The following CCDC172 variants were observed in gnomAD, a reference collection of about 807,000 sequenced individuals.
The protein encoded by CCDC172 is coiled-coil domain containing 172.
In CCDC172, 30 loss-of-function variants were observed where a neutral mutation model predicts 38.0. That is an observed-to-expected ratio of 0.79 (90% CI 0.59 to 1.07). The LOEUF is 1.07. Ranked by LOEUF, CCDC172 falls within the 50% of genes least tolerant of loss-of-function variation. CCDC172 has a pLI of 0.00. For missense variants in CCDC172, 297 were observed against 290.1 expected (o/e 1.02, Z -0.17); for synonymous variants, 78 against 88.3 (o/e 0.88, Z 0.66).
chr10:116,325,444 C>T (rs1844579889), intron 3 of CCDC172, 56 bp downstream of exon 3: 1 of 1,353,040 alleles, frequency 7.4e-7, no homozygotes, highest in Non-Finnish European at 1.0e-6. Context: ...CTTAACTTGA[C>T]TTTTGGGGGA....
intron 3 of CCDC172, among the ~76,000 whole-genome samples, chr10:116,326,195 G>A (rs1844590748): frequency 1.3e-5 from 2 of 152,134 alleles, no homozygotes; most frequent in East Asian, 1.9e-4. Flanking sequence ...CAGTTGTTCA[G>A]TTTAATGCCA....
At chr10:116,340,393 A>T (rs955042404) in intron 3 of CCDC172, among the ~76,000 whole-genome samples, 1 of 151,906 alleles carries the variant, frequency 6.6e-6, no homozygotes, top group African/African-American at 2.4e-5. Context: ...ATCTAAAAAC[A>T]AACAGTCTTA....
intron 1 of CCDC172, 74 bp from the exon 2 acceptor site, chr10:116,324,873 G>A: frequency 1.4e-6 from 1 of 691,644 alleles, no homozygotes; most frequent in Non-Finnish European, 2.5e-6. Context: ...TGCTGGGCTG[G>A]CGACAGAGGG....
At chr10:116,345,490 A>G (rs1413753442) in intron 5 of CCDC172, among the ~76,000 whole-genome samples, 1 of 152,224 alleles carries the variant, frequency 6.6e-6, no homozygotes, top group Non-Finnish European at 1.5e-5. Flanking sequence ...ACAGATTTAA[A>G]ATAAATTGAA....
intron 7 of CCDC172, among the ~76,000 whole-genome samples, chr10:116,377,677 A>C (rs773240992): frequency 6.6e-5 from 10 of 152,136 alleles, no homozygotes; most frequent in Non-Finnish European, 1.2e-4. Context: ...TATATTATAA[A>C]GTTATAGTTT....
chr10:116,332,797 A>G (rs528027107), intron 3 of CCDC172, among the ~76,000 whole-genome samples: 136 of 152,034 alleles, frequency 8.9e-4, no homozygotes, highest in African/African-American at 3.2e-3. Flanking sequence ...ATTATTTCAT[A>G]GAGTTTGTTT....
chr10:116,334,803 A>T (rs1348626332), intron 3 of CCDC172, among the ~76,000 whole-genome samples: 2 of 152,078 alleles, frequency 1.3e-5, no homozygotes, highest in African/African-American at 4.8e-5. Flanking sequence ...ATTGTCCTCC[A>T]GAAAAGTTGT....
Position 116,342,082 on chromosome 10 carries a change from A to G in CCDC172, c.329A>G (p.Lys110Arg). Residue 110 changes from lysine to arginine, a missense_variant, in exon 5 of 9, where the codon AAG becomes AGG. Physicochemically the swap from Lys to Arg is conservative, Grantham distance 26. Coordinates refer to ENST00000333254, the MANE Select transcript of CCDC172 (RefSeq NM_198515.3). ...ATAGAGGAGGAAGACAAATTTATTA[A>G]GGAAATTACAGACTTTAATAATGAT... ...QMIEEEDKFIKEITDFNNDYE... is the reference protein window; with the variant it reads ...QMIEEEDKFIREITDFNNDYE... The G allele has an allele frequency of 6.5e-7, 1 of 1,537,656 alleles. No individual in the cohort carries two copies. Among genetic ancestry groups the G allele is most frequent in the East Asian group, 2.4e-5 (1 of 40,890 alleles).
Position 116,363,754 on chromosome 10 carries a change from T to C in CCDC172, c.653+5816T>C, listed in dbSNP as rs565193480. On this transcript the variant is annotated intron_variant, in intron 7 of 8. Coordinates refer to ENST00000333254, the MANE Select transcript of CCDC172 (RefSeq NM_198515.3). ...GAGTTCGAGACTGGCCTGGCCAACA[T>C]GGTGAAACCCCGCCTCTACTACAAA... is the stretch of plus-strand genomic sequence containing the variant. Among the ~76,000 whole-genome samples, 356 of 151,876 alleles carry C rather than the reference T, an allele frequency of 2.3e-3. 1 individual carries two copies. The highest frequency in any genetic ancestry group is 3.4e-3 in the Middle Eastern group (1 of 294).
intron 3 of CCDC172, among the ~76,000 whole-genome samples, chr10:116,334,540 A>AAT (rs1018704413): frequency 6.6e-6 from 1 of 151,958 alleles, no homozygotes; most frequent in African/African-American, 2.4e-5. Context: ...CATCTGAGTA[A>AAT]ATATATATAT....
intron 3 of CCDC172, among the ~76,000 whole-genome samples, chr10:116,331,262 A>G (rs189045068): frequency 1.1e-3 from 163 of 152,334 alleles, no homozygotes; most frequent in African/African-American, 3.7e-3. Flanking sequence ...ACAATCAAAC[A>G]AAAAGAAATT....
chr10:116,358,211 A>G (rs1565720451), intron 7 of CCDC172, among the ~76,000 whole-genome samples: 1 of 152,114 alleles, frequency 6.6e-6, no homozygotes, highest in Non-Finnish European at 1.5e-5. Flanking sequence ...ATCCCAAGAG[A>G]TAAGACAACT....
chr10:116,327,378 C>A (rs940331191), intron 3 of CCDC172, among the ~76,000 whole-genome samples: 1 of 151,982 alleles, frequency 6.6e-6, no homozygotes, highest in Non-Finnish European at 1.5e-5. Flanking sequence ...GTTGCTTATA[C>A]AAGTTTTTGT....
At chr10:116,342,399 A>G (rs17094564) in intron 5 of CCDC172, 198 bp downstream of exon 5, 32,541 of 415,124 alleles carry the variant, frequency 0.078, 1,997 homozygotes, top group East Asian at 0.26. Flanking sequence ...TGTGACATGA[A>G]CATTTGGTCA....
At chr10:116,374,470 T>C (rs995608570) in intron 7 of CCDC172, among the ~76,000 whole-genome samples, 68 of 150,324 alleles carry the variant, frequency 4.5e-4, no homozygotes, top group African/African-American at 1.6e-3. Context: ...GCCTAATTTA[T>C]AAATTAAACT....
At chr10:116,331,450 G>T (rs1045167542) in intron 3 of CCDC172, among the ~76,000 whole-genome samples, 5 of 143,150 alleles carry the variant, frequency 3.5e-5, no homozygotes, top group African/African-American at 5.1e-5. Flanking sequence ...TTTATTATTT[G>T]TCTCCCTCCA....
At chr10:116,372,581 T>C (rs1037768685) in intron 7 of CCDC172, among the ~76,000 whole-genome samples, 7 of 152,144 alleles carry the variant, frequency 4.6e-5, no homozygotes, top group African/African-American at 1.7e-4. Flanking sequence ...AGATTTACCA[T>C]AGTGCATTTG....
At chr10:116,325,814 A>G (rs1844584554) in intron 3 of CCDC172, among the ~76,000 whole-genome samples, 1 of 152,198 alleles carries the variant, frequency 6.6e-6, no homozygotes, top group Non-Finnish European at 1.5e-5. Context: ...TCTCTACCAC[A>G]TTTTAGACAT....
At chr10:116,377,830 A>G (rs1845266698) in intron 7 of CCDC172, among the ~76,000 whole-genome samples, 1 of 152,138 alleles carries the variant, frequency 6.6e-6, no homozygotes, top group Non-Finnish European at 1.5e-5. Flanking sequence ...ATGTTAAGAC[A>G]TAGTACTATA....
Sources: gnomAD v4.1 joint callset for allele counts (sites outside exome capture counted in the v4.1 genomes callset) on GRCh38, gnomAD v4.1.1 for gene constraint, MANE v1.5 for transcripts, NCBI Gene and HGNC (gene_info 2026-07-23, HGNC 2026-07-21) for gene names.